AMN1: variants seen among roughly 807,000 people sequenced by gnomAD.
The protein encoded by AMN1 is protein AMN1 homolog.
A neutral mutation model predicts 33.0 loss-of-function variants in AMN1; 20 were observed. That is an observed-to-expected ratio of 0.61 (90% CI 0.43 to 0.88). The LOEUF (loss-of-function observed/expected upper bound fraction) is 0.88. AMN1 is among the 40% of genes least tolerant of loss of function. The pLI is 0.00. For missense variants in AMN1, 246 were observed against 307.4 expected (o/e 0.80, Z 1.49); for synonymous variants, 114 against 111.9 (o/e 1.02, Z -0.12).
At chr12:31,685,032 T>G (rs1441488969) in intron 6 of AMN1, among the ~76,000 whole-genome samples, 1 of 139,174 alleles carries the variant, frequency 7.2e-6, no homozygotes, top group South Asian at 2.2e-4. Context: ...ATAATTATTA[T>G]TTTTTTTTTT....
At chr12:31,706,276 C>T (rs527750495) in intron 2 of AMN1, among the ~76,000 whole-genome samples, 172 of 142,306 alleles carry the variant, frequency 1.2e-3, no homozygotes, top group African/African-American at 4.1e-3. Flanking sequence ...CATGCCACTG[C>T]GCTCCAGCCT....
chr12:31,676,260 T>C (rs917089832), intron 6 of AMN1, among the ~76,000 whole-genome samples: 22 of 151,590 alleles, frequency 1.5e-4, no homozygotes, highest in African/African-American at 4.9e-4. Context: ...AAATTACCTA[T>C]AGATTCAATG....
chr12:31,688,510 A>T (rs554358885), intron 6 of AMN1, among the ~76,000 whole-genome samples: 1 of 152,154 alleles, frequency 6.6e-6, no homozygotes, highest in East Asian at 1.9e-4. Flanking sequence ...AGGCCACCAC[A>T]TAAGGAATTG....
chr12:31,685,174 A>G (rs1938203178), intron 6 of AMN1, among the ~76,000 whole-genome samples: 1 of 151,728 alleles, frequency 6.6e-6, no homozygotes. Context: ...GATTACAGGC[A>G]CCCAGCCCCA....
chr12:31,682,650 G>C (rs1489877915), intron 6 of AMN1, among the ~76,000 whole-genome samples: 1 of 152,204 alleles, frequency 6.6e-6, no homozygotes, highest in South Asian at 2.1e-4. Context: ...GTGGGCTCTA[G>C]ATAGATGGCT....
chr12:31,673,145 T>C (rs1358410099), intron 6 of AMN1: 1 of 152,154 alleles, frequency 6.6e-6, no homozygotes, highest in Admixed American at 6.6e-5. Context: ...CTCATAAGTT[T>C]AATAAACTTG....
At chr12:31,698,067 T>A (rs542833185) in intron 3 of AMN1, 110 bp from the exon 4 acceptor site, 2 of 952,430 alleles carry the variant, frequency 2.1e-6, no homozygotes, top group Admixed American at 4.3e-5. Context: ...TTAGCCCTTT[T>A]CAAAGTAGTC....
At chr12:31,709,497 T>G (rs1939387135) in intron 1 of AMN1, 72 bp from the exon 2 acceptor site, 1 of 1,508,256 alleles carries the variant, frequency 6.6e-7, no homozygotes, top group Non-Finnish European at 9.0e-7. Flanking sequence ...TTAATGCTAT[T>G]TGTTAGCACT....
Position 31,675,927 on chromosome 12 carries a change from T to C in AMN1, c.704-3550A>G, listed in dbSNP as rs1023592961. ...AGGTTAGAAGGAAGAAGTAAAACTA[T>C]CTATTTGTAGATGTTATACTGTGTA... On this transcript the variant is annotated intron_variant, in intron 6 of 6. Coordinates refer to ENST00000281471, the MANE Select transcript of AMN1 (RefSeq NM_001113402.2). Among the ~76,000 whole-genome samples the C allele has an allele frequency of 2.6e-5, 4 of 151,844 alleles. 1 individual carries two copies. The highest frequency in any genetic ancestry group is 9.7e-5 in the African/African-American group (4 of 41,134).
At chr12:31,707,108 C>T (rs1458063694) in intron 2 of AMN1, among the ~76,000 whole-genome samples, 1 of 152,048 alleles carries the variant, frequency 6.6e-6, no homozygotes, top group Admixed American at 6.6e-5. Flanking sequence ...TTTTTAACTA[C>T]TGGTCATTAT....
chr12:31,698,070 A>G (rs1468526703), intron 3 of AMN1, 113 bp from the exon 4 acceptor site: 2 of 942,588 alleles, frequency 2.1e-6, no homozygotes, highest in East Asian at 5.2e-5. Flanking sequence ...GCCCTTTTCA[A>G]AGTAGTCCAC....
chr12:31,697,715 T>C (rs770192827), intron 4 of AMN1, 25 bp downstream of exon 4: 1 of 1,590,596 alleles, frequency 6.3e-7, no homozygotes, highest in African/African-American at 1.3e-5. Flanking sequence ...ATAGTCTATA[T>C]GTTTGTAGCC....
chr12:31,719,134 G>A (rs540591013), intron 1 of AMN1: 2 of 154,096 alleles, frequency 1.3e-5, no homozygotes, highest in African/African-American at 4.8e-5. Flanking sequence ...GCACCCAGGT[G>A]AGGCGACGCC....
At position 31,728,993 on chromosome 12, in the gene AMN1, G is replaced by A; in HGVS notation, c.16C>T (p.Arg6Trp). ...CACAGATCCAGGAGCTGACTGACCC[G>A]CCGTGGGCGAGGCATCGCTGCAGCG... MPRPR[R>W]VSQLLDLCLW... Residue 6 changes from arginine to tryptophan, a missense_variant, in exon 1 of 7, where the codon CGG becomes TGG. Transcript: ENST00000281471. 2.6e-6 allele frequency: 4 copies of A among 1,545,422 alleles called. No homozygotes were observed. Among genetic ancestry groups the A allele is most frequent in the Non-Finnish European group, 3.5e-6 (4 of 1,142,824 alleles).
intron 5 of AMN1, 53 bp from the exon 6 acceptor site, chr12:31,689,171 CA>C: frequency 8.4e-7 from 1 of 1,192,418 alleles, no homozygotes; most frequent in Non-Finnish European, 1.2e-6. Flanking sequence ...TCTATAATAA[CA>C]GTATGAACAA....
intron 6 of AMN1, among the ~76,000 whole-genome samples, chr12:31,676,742 G>C (rs749242455): frequency 2.6e-5 from 4 of 151,748 alleles, no homozygotes; most frequent in Non-Finnish European, 5.9e-5. Flanking sequence ...TCACTATTCT[G>C]TTTTGAATTC....
chr12:31,728,984 G>A lies in AMN1; in HGVS notation c.25C>T (p.Gln9Ter). The change falls in exon 1 of 7, where the codon CAG becomes TAG. Residue 9 changes from glutamine (Q) to a stop codon, truncating the protein, a stop_gained. Transcript: ENST00000281471. LOFTEE classifies it high-confidence loss of function. MPRPRRVS[Q>*]LLDLCLWCFM... ...GGGTAGACTCACAGATCCAGGAGCT[G>A]ACTGACCCGCCGTGGGCGAGGCATC... 8.4e-6 allele frequency: 13 copies of A among 1,546,536 alleles called. No individual in the cohort carries two copies. Among genetic ancestry groups the A allele is most frequent in the Non-Finnish European group, 1.1e-5 (13 of 1,143,776 alleles).
intron 1 of AMN1, chr12:31,714,916 T>G: frequency 3.0e-6 from 3 of 984,518 alleles, no homozygotes; most frequent in Non-Finnish European, 3.6e-6. Context: ...CCAACAACAT[T>G]GTGCAATTTT....
At chr12:31,713,056 A>C (rs1939529702) in intron 1 of AMN1, among the ~76,000 whole-genome samples, 1 of 152,200 alleles carries the variant, frequency 6.6e-6, no homozygotes, top group Non-Finnish European at 1.5e-5. Context: ...CAGTGGTGAA[A>C]TTGCTGAATC....
Sources: gnomAD v4.1 joint callset for allele counts (sites outside exome capture counted in the v4.1 genomes callset) on GRCh38, gnomAD v4.1.1 for gene constraint, MANE v1.5 for transcripts, NCBI Gene and HGNC (gene_info 2026-07-23, HGNC 2026-07-21) for gene names.